The following ZEB1 variants were observed in gnomAD, a reference collection of about 807,000 sequenced individuals.
The protein encoded by ZEB1 is zinc finger E-box binding homeobox 1.
In ZEB1, 21 loss-of-function variants were observed where a neutral mutation model predicts 84.9. The observed-to-expected ratio is 0.25, with a 90% CI of 0.18 to 0.36. The LOEUF (loss-of-function observed/expected upper bound fraction) is 0.36, where lower values mean the gene tolerates loss of function less well. ZEB1 is among the 10% of genes least tolerant of loss of function. The pLI is 1.00. For missense variants in ZEB1, 1,104 were observed against 1,330.2 expected (o/e 0.83, Z 2.65); for synonymous variants, 420 against 471.1 (o/e 0.89, Z 1.41).
intron 1 of ZEB1, among the ~76,000 whole-genome samples, chr10:31,415,731 T>C (rs560016916): frequency 3.3e-4 from 51 of 152,266 alleles, no homozygotes; most frequent in African/African-American, 1.2e-3. Flanking sequence ...GTATTTGGGA[T>C]ATTTGTTGTC....
Position 31,510,871 on chromosome 10 carries a change from A to T in ZEB1, c.683A>T (p.Asp228Val). Residue 228 changes from aspartate (D) to valine (V), a missense_variant, in exon 5 of 9, where the codon GAT becomes GTT. Asp to Val is a radical substitution (Grantham distance 152). Around this residue, in one of 7 missense-constraint regions of ZEB1, gnomAD observed 71 missense variants for 119.1 expected, o/e 0.60. Coordinates refer to ENST00000424869, the MANE Select transcript of ZEB1 (RefSeq NM_001174096.2). ...ATGACATCACATAAATCAGGAAGAG[A>T]TCAAGTAAGTGCAATGACTGAGAGT... ...RHMTSHKSGR[D>V]QRHVTQSGCN... 6.2e-7 allele frequency: 1 copy of T among 1,613,724 alleles called. No individual in the cohort carries two copies. The highest frequency in any genetic ancestry group is 8.5e-7 in the Non-Finnish European group (1 of 1,179,800).
upstream of ZEB1, chr10:31,318,458 A>G (rs1228156416): frequency 1.3e-5 from 2 of 152,470 alleles, no homozygotes; most frequent in East Asian, 1.9e-4. Flanking sequence ...CGGAACTTCT[A>G]GCCTCTCTTT....
intron 1 of ZEB1, among the ~76,000 whole-genome samples, chr10:31,414,824 C>A (rs1367023244): frequency 1.3e-5 from 2 of 152,088 alleles, no homozygotes; most frequent in Non-Finnish European, 1.5e-5. Context: ...AAATTCAGTC[C>A]TCACTTGGTT....
intron 1 of ZEB1, among the ~76,000 whole-genome samples, chr10:31,340,010 G>A (rs1230689613): frequency 6.6e-6 from 1 of 152,006 alleles, no homozygotes. Context: ...TATACCCCTG[G>A]TAGATTTTGG....
At chr10:31,403,466 A>G (rs1267057505) in intron 1 of ZEB1, among the ~76,000 whole-genome samples, 2 of 152,018 alleles carry the variant, frequency 1.3e-5, no homozygotes, top group Non-Finnish European at 2.9e-5. Context: ...GTTTTCTGGC[A>G]GATTAAAACA....
At chr10:31,426,666 A>C (rs920102071) in intron 1 of ZEB1, among the ~76,000 whole-genome samples, 1 of 152,144 alleles carries the variant, frequency 6.6e-6, no homozygotes, top group Non-Finnish European at 1.5e-5. Flanking sequence ...GGATGCCTGG[A>C]AAATCTAGTG....
Position 31,523,940 on chromosome 10 carries a change from G to A in ZEB1, c.2612G>A (p.Arg871Lys). Residue 871 changes from arginine to lysine, a missense_variant, in exon 8 of 9, where the codon AGA (arginine) becomes AAA (lysine). Arg to Lys is a conservative substitution (Grantham distance 26). Coordinates refer to ENST00000424869, the MANE Select transcript of ZEB1 (RefSeq NM_001174096.2). ...VIQPNGNQDE[R>K]QDTSSEGVSN... is the part of the protein sequence containing the mutation. The stretch of plus-strand genomic sequence containing the variant: ...ACACCTTTCTCCCTCTAGGATGAAA[G>A]ACAAGATACTAGCTCAGAAGGAGTA... 6.2e-7 allele frequency: 1 copy of A among 1,613,810 alleles called. No individual in the cohort carries two copies. The highest frequency in any genetic ancestry group is 8.5e-7 in the Non-Finnish European group (1 of 1,179,852).
intron 1 of ZEB1, among the ~76,000 whole-genome samples, chr10:31,388,820 G>A (rs2049108966): frequency 6.6e-6 from 1 of 151,458 alleles, no homozygotes; most frequent in Non-Finnish European, 1.5e-5. Context: ...ATCCCTTTTT[G>A]CCAGTTGAGA....
At chr10:31,400,876 A>G (rs150519788) in intron 1 of ZEB1, among the ~76,000 whole-genome samples, 8 of 152,258 alleles carry the variant, frequency 5.3e-5, no homozygotes, top group Non-Finnish European at 7.4e-5. Context: ...TTTCTTGACT[A>G]TATGCATAAC....
intron 2 of ZEB1, among the ~76,000 whole-genome samples, chr10:31,471,300 T>C (rs1366140255): frequency 0.011 from 1,379 of 126,286 alleles, 30 homozygotes; most frequent in African/African-American, 0.041. Flanking sequence ...CCCATCAGTG[T>C]GCTGTATTCA....
At chr10:31,500,793 A>T (rs1162557438) in intron 3 of ZEB1, among the ~76,000 whole-genome samples, 3 of 152,284 alleles carry the variant, frequency 2.0e-5, no homozygotes, top group African/African-American at 7.2e-5. Flanking sequence ...GAAGCTGAGG[A>T]TCCGGGAGTT....
At chr10:31,482,890 C>G (rs532266750) in intron 2 of ZEB1, among the ~76,000 whole-genome samples, 1 of 152,156 alleles carries the variant, frequency 6.6e-6, no homozygotes, top group African/African-American at 2.4e-5. Context: ...TGACTCTTGT[C>G]CCATTCTGTT....
chr10:31,435,978 A>T (rs1564845083), intron 1 of ZEB1, among the ~76,000 whole-genome samples: 1 of 152,170 alleles, frequency 6.6e-6, no homozygotes, highest in Non-Finnish European at 1.5e-5. Context: ...GTTCCAAAAG[A>T]TGAGTAGGAA....
chr10:31,453,112 G>C (rs1000175840), intron 1 of ZEB1, among the ~76,000 whole-genome samples: 1 of 152,108 alleles, frequency 6.6e-6, no homozygotes, highest in African/African-American at 2.4e-5. Context: ...ATGCAAATGA[G>C]TGCATGCTTA....
rs532622757 is a variant in ZEB1 at position 31,364,546 on chromosome 10, C to G, written c.58+45254C>G. Among the ~76,000 whole-genome samples the G allele has an allele frequency of 2.6e-5, 4 of 152,318 alleles. No homozygotes were observed. In the South Asian group the frequency reaches 8.3e-4, roughly 32 times the overall value. ...CCAGTGCCTCTGTGCCACCTGGAGC[C>G]AGGCCCGCCTTCTCCATGGCTGCCG... is the stretch of plus-strand genomic sequence containing the variant. On this transcript the variant is annotated intron_variant, in intron 1 of 8. Transcript: ENST00000424869.
At chr10:31,403,725 T>C (rs2052478906) in intron 1 of ZEB1, among the ~76,000 whole-genome samples, 1 of 152,022 alleles carries the variant, frequency 6.6e-6, no homozygotes, top group African/African-American at 2.4e-5. Flanking sequence ...TGATTACTAG[T>C]ATATTATGTA....
chr10:31,422,351 C>T (rs184417564), intron 1 of ZEB1, among the ~76,000 whole-genome samples: 212 of 152,060 alleles, frequency 1.4e-3, no homozygotes, highest in African/African-American at 4.7e-3. Flanking sequence ...GATGTGTGGA[C>T]CAAAGAAAAT....
At chr10:31,375,838 C>T (rs994115234) in intron 1 of ZEB1, among the ~76,000 whole-genome samples, 1 of 151,608 alleles carries the variant, frequency 6.6e-6, no homozygotes, top group South Asian at 2.1e-4. Context: ...TGAGAAAGAA[C>T]CTTTTAAATG....
intron 1 of ZEB1, among the ~76,000 whole-genome samples, chr10:31,378,845 G>C (rs755021358): frequency 6.6e-6 from 1 of 151,990 alleles, no homozygotes; most frequent in Non-Finnish European, 1.5e-5. Context: ...CTAGAACAGT[G>C]GTGGATGTGC....
Sources: gnomAD v4.1 joint callset for allele counts (sites outside exome capture counted in the v4.1 genomes callset) on GRCh38, gnomAD v4.1.1 for gene constraint, gnomAD v4.1.1 regional missense constraint, MANE v1.5 for transcripts, NCBI Gene and HGNC (gene_info 2026-07-23, HGNC 2026-07-21) for gene names.